Variants in SBF2 observed in about 807,000 individuals in gnomAD.
SBF2 encodes myotubularin-related protein 13.
In SBF2, 112 loss-of-function variants were observed where a neutral mutation model predicts 225.2. That is an observed-to-expected ratio of 0.50 (90% CI 0.43 to 0.58). The LOEUF is 0.58. SBF2 is among the 20% of genes least tolerant of loss of function. SBF2 has a pLI of 0.00. For missense variants in SBF2, 1,996 were observed against 2,206.2 expected, an observed-to-expected ratio of 0.90 and a Z score of 1.91; for synonymous variants, 763 against 773.3, an observed-to-expected ratio of 0.99 and a Z score of 0.22.
intron 2 of SBF2, among the ~76,000 whole-genome samples, chr11:10,097,236 C>G (rs1027012701): frequency 2.0e-5 from 3 of 152,210 alleles, no homozygotes; most frequent in Non-Finnish European, 4.4e-5. Flanking sequence ...AAGCACTTGA[C>G]AACAGAGAAC....
intron 16 of SBF2, among the ~76,000 whole-genome samples, chr11:9,918,175 G>A (rs1032631845): frequency 9.0e-5 from 10 of 111,624 alleles, no homozygotes; most frequent in Non-Finnish European, 5.6e-5. Context: ...ATTTGTCATC[G>A]GCTCCCTCTT....
rs1867107117 is a variant in SBF2, at chr11:9,968,414, A to C, written c.1527T>G (p.Val509=). ...ARVQELIQEN[V]AKNQNAPPAT... is the part of the protein sequence containing the mutation. ...CAGGAGGTGCATTCTGGTTCTTAGC[A>C]ACATTTTCCTGTATTAATTCCTGAA... The change falls in exon 14 of 40, where the codon GTT becomes GTG. Residue 509 remains valine (V), a synonymous_variant. Coordinates refer to ENST00000256190, the MANE Select transcript of SBF2 (RefSeq NM_030962.4). The C allele has an allele frequency of 6.2e-7, 1 of 1,614,028 alleles. No homozygotes were observed. Among genetic ancestry groups the C allele is most frequent in the African/African-American group, 1.3e-5 (1 of 74,912 alleles).
chr11:10,253,118 C>CAAAAAAAAGAAAAAAAAAAAAA (rs1960530113), intron 1 of SBF2, among the ~76,000 whole-genome samples: 1 of 77,292 alleles, frequency 1.3e-5, no homozygotes, highest in Non-Finnish European at 2.5e-5. Context: ...AGGTAAATAC[C>CAAAAAAAAGAAAAAAAAAAAAA]AAAAAAAAAA....
chr11:10,111,401 A>G (rs530997444), intron 2 of SBF2, among the ~76,000 whole-genome samples: 26 of 152,382 alleles, frequency 1.7e-4, no homozygotes, highest in African/African-American at 6.0e-4. Context: ...AAAGTTGTAC[A>G]ATCACTCAAA....
At chr11:10,077,618 C>T (rs935419742) in intron 2 of SBF2, among the ~76,000 whole-genome samples, 3 of 152,178 alleles carry the variant, frequency 2.0e-5, no homozygotes, top group Non-Finnish European at 4.4e-5. Context: ...CTTCCTTAAA[C>T]CTTATACAAA....
At chr11:10,126,999 C>T (rs1043010330) in intron 2 of SBF2, among the ~76,000 whole-genome samples, 2 of 151,980 alleles carry the variant, frequency 1.3e-5, no homozygotes, top group East Asian at 3.9e-4. Context: ...ATCATAGAGA[C>T]ATACAAGGGA....
intron 2 of SBF2, among the ~76,000 whole-genome samples, chr11:10,054,505 T>A (rs1481489414): frequency 6.6e-6 from 1 of 152,140 alleles, no homozygotes. Flanking sequence ...CATTTAAAAA[T>A]TTCATGACTA....
chr11:10,152,751 G>A (rs1218291794), intron 2 of SBF2, among the ~76,000 whole-genome samples: 1 of 152,110 alleles, frequency 6.6e-6, no homozygotes, highest in African/African-American at 2.4e-5. Context: ...TATAAATGGT[G>A]AACCAAAGAT....
At chr11:9,841,276 G>A (rs1432404655) in intron 25 of SBF2, among the ~76,000 whole-genome samples, 3 of 152,044 alleles carry the variant, frequency 2.0e-5, no homozygotes, top group East Asian at 1.9e-4. Context: ...TGGTCTTTTA[G>A]TAGAATAATT....
At chr11:9,786,115 C>T (rs1852357151) in intron 36 of SBF2, among the ~76,000 whole-genome samples, 1 of 152,150 alleles carries the variant, frequency 6.6e-6, no homozygotes, top group Admixed American at 6.5e-5. Flanking sequence ...CCTGCCTCGG[C>T]CTCCCAAAGT....
intron 16 of SBF2, among the ~76,000 whole-genome samples, chr11:9,930,409 C>T (rs1341791082): frequency 6.6e-6 from 1 of 152,010 alleles, no homozygotes; most frequent in Non-Finnish European, 1.5e-5. Flanking sequence ...GTAGAAAATG[C>T]AACCTAATCT....
At chr11:9,948,577 T>C (rs1865690947) in intron 16 of SBF2, among the ~76,000 whole-genome samples, 1 of 152,168 alleles carries the variant, frequency 6.6e-6, no homozygotes, top group Non-Finnish European at 1.5e-5. Flanking sequence ...GAATTCTTAG[T>C]TCCTTTTAGT....
chr11:10,210,767 C>CT (rs1957912232), intron 1 of SBF2, among the ~76,000 whole-genome samples: 1 of 151,960 alleles, frequency 6.6e-6, no homozygotes, highest in Non-Finnish European at 1.5e-5. Context: ...AATCCCAGCA[C>CT]TTTGGGAGGC....
In SBF2 at chr11:10,288,789, TG is replaced by T. The variant is rs533141732; in HGVS notation, c.55+5225del. 3.9e-3 allele frequency among the ~76,000 whole-genome samples: 599 copies of T among 152,328 alleles called. 1 individual carries two copies. Among genetic ancestry groups the T allele is most frequent in the South Asian group, 9.9e-3 (48 of 4,832 alleles). On this transcript the variant is annotated intron_variant, in intron 1 of 39. Transcript: ENST00000256190. Reference sequence around the variant, plus strand: ...CATCTCTCCATCCTCTGCTCTGCTCTGGGCTGAGCCTGCAACTTTTATGGGC... The same window carrying T: ...CATCTCTCCATCCTCTGCTCTGCTCTGGCTGAGCCTGCAACTTTTATGGGC...
chr11:9,824,910 T>C (rs771473034), intron 28 of SBF2, among the ~76,000 whole-genome samples: 7 of 152,206 alleles, frequency 4.6e-5, no homozygotes, highest in Non-Finnish European at 1.0e-4. Flanking sequence ...GCTTAGCAAC[T>C]GAAATACTAG....
At chr11:10,207,160 C>T (rs1486098928) in intron 1 of SBF2, among the ~76,000 whole-genome samples, 1 of 152,008 alleles carries the variant, frequency 6.6e-6, no homozygotes, top group Non-Finnish European at 1.5e-5. Context: ...TCATCAGAAA[C>T]CATGAAGGAC....
At chr11:10,094,522 A>C in intron 2 of SBF2, among the ~76,000 whole-genome samples, 3 of 82,716 alleles carry the variant, frequency 3.6e-5, no homozygotes, top group African/African-American at 3.7e-5. Flanking sequence ...CTACAAATAC[A>C]CACAGATTTT....
At chr11:10,169,282 C>T (rs72861722) in intron 2 of SBF2, among the ~76,000 whole-genome samples, 8,329 of 152,080 alleles carry the variant, frequency 0.055, 313 homozygotes, top group Middle Eastern at 0.14. Flanking sequence ...TTCATTCTAC[C>T]CAACTATATT....
intron 25 of SBF2, 43 bp downstream of exon 25, chr11:9,842,582 G>A (rs982938663): frequency 1.3e-6 from 2 of 1,597,550 alleles, no homozygotes; most frequent in African/African-American, 1.3e-5. Flanking sequence ...ATTCATATAA[G>A]AAATAAAGTT....
Sources: allele counts gnomAD v4.1 joint callset (sites outside exome capture counted in the v4.1 genomes callset), GRCh38; gene constraint gnomAD v4.1.1; transcripts MANE v1.5; gene names NCBI Gene and HGNC (gene_info 2026-07-23, HGNC 2026-07-21).